UTRN: variants seen among roughly 807,000 people sequenced by gnomAD.
UTRN encodes dystrophin-related protein 1.
A neutral mutation model predicts 463.9 loss-of-function variants in UTRN; 283 were observed. The ratio of observed to expected loss-of-function variants is 0.61; its 90% CI spans 0.55 to 0.67. The LOEUF is 0.67. Among genes scored for constraint, UTRN ranks in the 30% least tolerant of loss-of-function variants. The pLI is 0.00. For synonymous variants in UTRN, 1,442 were observed against 1,431.5 expected, an observed-to-expected ratio of 1.01 and a Z score of -0.17; for missense variants, 3,922 against 4,084.3, an observed-to-expected ratio of 0.96 and a Z score of 1.08.
At chr6:144,460,585 A>T (rs1049685332) in intron 21 of UTRN, among the ~76,000 whole-genome samples, 4 of 152,232 alleles carry the variant, frequency 2.6e-5, no homozygotes, top group Non-Finnish European at 5.9e-5. Context: ...TTTGACAAGG[A>T]TCAGTAGGCA....
intron 2 of UTRN, among the ~76,000 whole-genome samples, chr6:144,375,595 G>A (rs1780381651): frequency 6.6e-6 from 1 of 152,180 alleles, no homozygotes; most frequent in Non-Finnish European, 1.5e-5. Context: ...CCTTGTTTGA[G>A]TTGTCTTTGA....
intron 58 of UTRN, among the ~76,000 whole-genome samples, chr6:144,764,122 G>C (rs1255267274): frequency 2.0e-5 from 3 of 152,170 alleles, no homozygotes; most frequent in Admixed American, 6.5e-5. Flanking sequence ...ACTGGGCCAA[G>C]TCTGCTGATG....
At chr6:144,388,691 T>G (rs1781633034) in intron 2 of UTRN, among the ~76,000 whole-genome samples, 1 of 152,062 alleles carries the variant, frequency 6.6e-6, no homozygotes, top group Non-Finnish European at 1.5e-5. Context: ...TTTTGTATCA[T>G]TTTGTAGAGA....
chr6:144,467,623 C>T (rs117607160), intron 23 of UTRN, among the ~76,000 whole-genome samples: 2,229 of 152,116 alleles, frequency 0.015, 26 homozygotes, highest in Non-Finnish European at 0.024. Flanking sequence ...TGGAGGGGGG[C>T]GTGCTGGAGC....
intron 2 of UTRN, among the ~76,000 whole-genome samples, chr6:144,348,531 T>C (rs1274845607): frequency 1.3e-5 from 2 of 152,168 alleles, no homozygotes; most frequent in Non-Finnish European, 2.9e-5. Flanking sequence ...TCTTAATAAT[T>C]ATAGAGAAAA....
chr6:144,805,330 A>C (rs1778052327), intron 65 of UTRN, among the ~76,000 whole-genome samples: 1 of 152,204 alleles, frequency 6.6e-6, no homozygotes, highest in South Asian at 2.1e-4. Flanking sequence ...ACATTGCAGT[A>C]AGTGCCTTTA....
In UTRN at chr6:144,391,077, C is replaced by CT. The variant is rs879693089; in HGVS notation, c.80-12034dup. On this transcript the variant is annotated intron_variant, in intron 2 of 74. Coordinates refer to ENST00000367545, the MANE Select transcript of UTRN (RefSeq NM_007124.3). ...CAAAGAGTTGGAAATATTCCCAGTT[C>CT]TTTTTTTTTTTTGACACAAGGTCTT... 2.9e-3 allele frequency among the ~76,000 whole-genome samples: 424 copies of CT among 146,166 alleles called. 1 individual carries two copies. The highest frequency in any genetic ancestry group is 8.3e-3 in the South Asian group (38 of 4,554).
chr6:144,666,813 C>T (rs1780443024), intron 51 of UTRN, among the ~76,000 whole-genome samples: 1 of 152,136 alleles, frequency 6.6e-6, no homozygotes, highest in African/African-American at 2.4e-5. Context: ...TGTGGAACTG[C>T]TTATCATCCT....
intron 51 of UTRN, among the ~76,000 whole-genome samples, chr6:144,669,668 T>G (rs1177740917): frequency 6.6e-6 from 1 of 152,102 alleles, no homozygotes; most frequent in East Asian, 1.9e-4. Flanking sequence ...ATTTCTGAGA[T>G]TTTGGTGCAC....
intron 51 of UTRN, among the ~76,000 whole-genome samples, chr6:144,667,994 T>C (rs1033576138): frequency 6.6e-5 from 10 of 152,192 alleles, no homozygotes; most frequent in African/African-American, 2.2e-4. Flanking sequence ...ACACTTTGCA[T>C]TGGACCAGAT....
Position 144,384,360 on chromosome 6 carries a change from C to T in UTRN, c.80-18763C>T, listed in dbSNP as rs372119344. Among the ~76,000 whole-genome samples, 4 of 152,224 alleles carry T rather than the reference C, an allele frequency of 2.6e-5. No homozygotes were observed. The East Asian group carries it at 5.8e-4, about 22-fold the overall frequency. On this transcript the variant is annotated intron_variant, in intron 2 of 74. Transcript: ENST00000367545. The stretch of plus-strand genomic sequence containing the variant: ...CATTCGATTCTCATAGGAGCACGAA[C>T]CCTATTGTGGACTGTGCATGTGAGG...
At chr6:144,771,193 T>G (rs953575808) in intron 58 of UTRN, among the ~76,000 whole-genome samples, 4 of 152,180 alleles carry the variant, frequency 2.6e-5, no homozygotes, top group East Asian at 3.9e-4. Flanking sequence ...AGGTTTTAAT[T>G]TGTAGTTTCA....
intron 51 of UTRN, among the ~76,000 whole-genome samples, chr6:144,670,207 T>G (rs1054195850): frequency 6.6e-6 from 1 of 152,210 alleles, no homozygotes; most frequent in Admixed American, 6.5e-5. Flanking sequence ...CTCTCCATAC[T>G]GTTTTTCATA....
chr6:144,726,263 G>C (rs141418756), intron 53 of UTRN, among the ~76,000 whole-genome samples: 1 of 152,294 alleles, frequency 6.6e-6, no homozygotes, highest in East Asian at 1.9e-4. Flanking sequence ...TTTGTGGCCT[G>C]ACCTCCGCCC....
At chr6:144,578,541 G>A (rs1422234876) in intron 51 of UTRN, among the ~76,000 whole-genome samples, 1 of 152,068 alleles carries the variant, frequency 6.6e-6, no homozygotes, top group South Asian at 2.1e-4. Flanking sequence ...CACCATGTTG[G>A]CCAGGCTGGT....
Position 144,514,077 on chromosome 6 carries a change from A to G in UTRN, c.5073+40A>G, listed in dbSNP as rs1282250848. 4.3e-6 allele frequency: 7 copies of G among 1,610,680 alleles called. No individual in the cohort carries two copies. The East Asian group carries it at 1.3e-4, about 31-fold the overall frequency. On this transcript the variant is annotated intron_variant, in intron 36 of 74. Transcript: ENST00000367545. ...CATCAGTAACGCTTTTGGGAGTGGC[A>G]TGTTTTGTTGTCATGTTTTCTCTTC...
intron 13 of UTRN, among the ~76,000 whole-genome samples, chr6:144,441,381 C>T (rs1787143655): frequency 1.3e-5 from 2 of 152,152 alleles, no homozygotes; most frequent in African/African-American, 4.8e-5. Context: ...GGCTACAGTC[C>T]CCATTCAAGT....
At chr6:144,836,030 G>A in intron 70 of UTRN, 92 bp downstream of exon 70, 1 of 1,527,418 alleles carries the variant, frequency 6.5e-7, no homozygotes, top group African/African-American at 1.4e-5. Flanking sequence ...CAAGACTATT[G>A]TCTAAGAAAT....
chr6:144,624,474 G>A (rs9497023), intron 51 of UTRN, among the ~76,000 whole-genome samples: 29,477 of 152,092 alleles, frequency 0.19, 3,041 homozygotes, highest in Admixed American at 0.27. Context: ...AGTAGATGTG[G>A]GCAGTTTGAA....
Sources: gnomAD v4.1 joint callset for allele counts (sites outside exome capture counted in the v4.1 genomes callset) on GRCh38, gnomAD v4.1.1 for gene constraint, MANE v1.5 for transcripts, NCBI Gene and HGNC (gene_info 2026-07-23, HGNC 2026-07-21) for gene names.